FOXK1: variants seen among roughly 807,000 people sequenced by gnomAD.
The protein encoded by FOXK1 is forkhead box K1.
A neutral mutation model predicts 51.9 loss-of-function variants in FOXK1; 19 were observed. That is an observed-to-expected ratio of 0.37 (90% CI 0.26 to 0.54). The LOEUF is 0.54. Ranked by LOEUF, FOXK1 falls within the 20% of genes least tolerant of loss-of-function variation. FOXK1 has a pLI of 0.87. For synonymous variants in FOXK1, 537 were observed against 482.6 expected (o/e 1.11, Z -1.48); for missense variants, 870 against 1,032.7 (o/e 0.84, Z 2.16).
At chr7:4,685,101 G>C (rs1233095245) in intron 1 of FOXK1, among the ~76,000 whole-genome samples, 1 of 151,566 alleles carries the variant, frequency 6.6e-6, no homozygotes, top group African/African-American at 2.4e-5. Flanking sequence ...GACTTCACCT[G>C]CACATGTGAG....
Position 4,768,146 on chromosome 7 carries a change from T to C in FOXK1, c.*5682T>C. The C allele has an allele frequency of 7.7e-6, 1 of 129,896 alleles. No individual in the cohort carries two copies. The highest frequency in any genetic ancestry group is 2.0e-4 in the East Asian group (1 of 5,002). 8.0% of individuals were successfully genotyped at this position (129,896 alleles called of 1,614,324 possible). A position where few individuals can be genotyped will look rare whatever the true frequency, so the allele number is the denominator to read the frequency against. On this transcript the variant is annotated 3_prime_UTR_variant, in exon 9 of 9. Transcript: ENST00000328914. ...CTTTTTTTTTTTTTTTTTTTTTTTTTTTTTGAGACGGAGTCTCGCTCTGTC... is the reference window on the plus strand; with the variant it reads ...CTTTTTTTTTTTTTTTTTTTTTTTTCTTTTGAGACGGAGTCTCGCTCTGTC...
chr7:4,720,346 T>A (rs1407267167), intron 1 of FOXK1, among the ~76,000 whole-genome samples: 1 of 152,188 alleles, frequency 6.6e-6, no homozygotes, highest in Admixed American at 6.5e-5. Flanking sequence ...GCTTTTGTTA[T>A]GTATGGTCTA....
intron 7 of FOXK1, among the ~76,000 whole-genome samples, chr7:4,760,740 A>C (rs1041385514): frequency 6.6e-6 from 1 of 151,968 alleles, no homozygotes; most frequent in Non-Finnish European, 1.5e-5. Context: ...AGTCCCAGCT[A>C]CTCAGGAGGC....
intron 1 of FOXK1, among the ~76,000 whole-genome samples, chr7:4,714,351 T>C (rs1780209061): frequency 6.6e-6 from 1 of 152,096 alleles, no homozygotes; most frequent in Non-Finnish European, 1.5e-5. Flanking sequence ...CGATCTCAGC[T>C]CACTGCAGCC....
intron 1 of FOXK1, among the ~76,000 whole-genome samples, chr7:4,736,951 C>T (rs552498569): frequency 6.6e-6 from 1 of 152,220 alleles, no homozygotes; most frequent in Non-Finnish European, 1.5e-5. Context: ...CTTTCCACCC[C>T]ACTGGAGTTG....
rs369234280 is a variant in FOXK1 at position 4,759,102 on chromosome 7, C to A, written c.1296C>A (p.Gly432=). The A allele has an allele frequency of 5.0e-6, 8 of 1,611,168 alleles. No homozygotes were observed. The highest frequency in any genetic ancestry group is 6.8e-6 in the Non-Finnish European group (8 of 1,179,784). Residue 432 remains glycine (G), a synonymous_variant, in exon 6 of 9, where the codon GGC becomes GGA. Coordinates refer to ENST00000328914, the MANE Select transcript of FOXK1 (RefSeq NM_001037165.2). ...THPGLMSPRS[G]GLQTPECLSR... is the part of the protein sequence containing the mutation. ...CCGGGCTGATGTCCCCTCGCTCCGG[C>A]GGCCTGCAGACCCCAGAGTGCCTGT...
rs1364837081 is a variant in FOXK1 at position 4,769,529 on chromosome 7, C to G, written c.*7065C>G. On this transcript the variant is annotated 3_prime_UTR_variant, in exon 9 of 9. Coordinates refer to ENST00000328914, the MANE Select transcript of FOXK1 (RefSeq NM_001037165.2). The surrounding 1 kb of genome is among the most constrained non-coding windows in gnomAD (Gnocchi z 4.1). ...TCTCGGCTCACTGCAACCTCCGCCTCCCAGGTTCGAGCGAATTCTCCTGCC... is the reference window on the plus strand; with the variant it reads ...TCTCGGCTCACTGCAACCTCCGCCTGCCAGGTTCGAGCGAATTCTCCTGCC... 1 of 152,200 alleles carries G rather than the reference C, an allele frequency of 6.6e-6. No individual in the cohort carries two copies. The highest frequency in any genetic ancestry group is 2.4e-5 in the African/African-American group (1 of 41,414). The allele number at this position is 152,200 out of a possible 1,614,324, so 9.4% of individuals were successfully genotyped here.
At position 4,703,663 on chromosome 7, in the gene FOXK1, G is replaced by A. The variant is rs1406802250; in HGVS notation, c.560+20795G>A. Reference sequence around the variant, plus strand: ...TGAATATTAAAACCAAATGATCCCGGGTAGAGCTGCAGCTGGGGACTGGTG... The same window carrying A: ...TGAATATTAAAACCAAATGATCCCGAGTAGAGCTGCAGCTGGGGACTGGTG... On this transcript the variant is annotated intron_variant, in intron 1 of 8. Coordinates refer to ENST00000328914, the MANE Select transcript of FOXK1 (RefSeq NM_001037165.2). The surrounding 1 kb of genome is among the most constrained non-coding windows in gnomAD (Gnocchi z 5.6). Among the ~76,000 whole-genome samples the A allele has an allele frequency of 6.6e-6, 1 of 152,172 alleles. No homozygotes were observed. The highest frequency in any genetic ancestry group is 1.5e-5 in the Non-Finnish European group (1 of 68,034).
At position 4,731,033 on chromosome 7, in the gene FOXK1, T is replaced by C. The variant is rs1780469929; in HGVS notation, c.561-9805T>C. 6.6e-6 allele frequency among the ~76,000 whole-genome samples: 1 copy of C among 152,078 alleles called. No homozygotes were observed. Among genetic ancestry groups the C allele is most frequent in the Non-Finnish European group, 1.5e-5 (1 of 68,018 alleles). ...AATCAAAACCATTTGCTGAACAGTC[T>C]TATTTCTCGGAGGAGTTTAAGCAAA... On this transcript the variant is annotated intron_variant, in intron 1 of 8. Transcript: ENST00000328914. This position sits in a 1 kb window ranked among gnomAD's most constrained non-coding sequence, Gnocchi z 5.3.
Position 4,683,897 on chromosome 7 carries a change from G to A in FOXK1, c.560+1029G>A, listed in dbSNP as rs1002874679. On this transcript the variant is annotated intron_variant, in intron 1 of 8. Transcript: ENST00000328914. The surrounding 1 kb of genome is among the most constrained non-coding windows in gnomAD (Gnocchi z 4.5). ...TGGCGGGGAGGGGCGAGGACAGGAAGCCTGTGCCTCAGTTTACATCCCCAA... is the reference window on the plus strand; with the variant it reads ...TGGCGGGGAGGGGCGAGGACAGGAAACCTGTGCCTCAGTTTACATCCCCAA... Among the ~76,000 whole-genome samples the A allele has an allele frequency of 3.9e-5, 6 of 152,186 alleles. No individual in the cohort carries two copies. The highest frequency in any genetic ancestry group is 8.8e-5 in the Non-Finnish European group (6 of 68,030).
In FOXK1 at chr7:4,683,309, C is replaced by G. The variant is rs1438015833; in HGVS notation, c.560+441C>G. On this transcript the variant is annotated intron_variant, in intron 1 of 8. Transcript: ENST00000328914. The surrounding 1 kb of genome is among the most constrained non-coding windows in gnomAD (Gnocchi z 4.5). ...CCCAGATCCCTGCTGCTCCCCAGCT[C>G]CCATCGGCCTGGACTCCGGGGTCAT... Among the ~76,000 whole-genome samples the G allele has an allele frequency of 1.3e-5, 2 of 151,794 alleles. No individual in the cohort carries two copies. The highest frequency in any genetic ancestry group is 2.9e-5 in the Non-Finnish European group (2 of 67,928).
chr7:4,770,346 A>G lies in FOXK1; in HGVS notation c.*7882A>G, dbSNP rs753813137. 1 of 152,164 alleles carries G rather than the reference A, an allele frequency of 6.6e-6. No individual in the cohort carries two copies. Among genetic ancestry groups the G allele is most frequent in the Non-Finnish European group, 1.5e-5 (1 of 68,038 alleles). The allele number at this position is 152,164 out of a possible 1,614,324, so 9.4% of individuals were successfully genotyped here. A position where few individuals can be genotyped will look rare whatever the true frequency, so the allele number is the denominator to read the frequency against. On this transcript the variant is annotated 3_prime_UTR_variant, in exon 9 of 9. Coordinates refer to ENST00000328914, the MANE Select transcript of FOXK1 (RefSeq NM_001037165.2). ...GGAGTTTGAGACCAGCCTGACCAAC[A>G]TGGTGAAATCCTGTCTCTACTAAAA...
chr7:4,720,819 AG>A lies in FOXK1; in HGVS notation c.561-20018del, dbSNP rs1447061496. On this transcript the variant is annotated intron_variant, in intron 1 of 8. Transcript: ENST00000328914. ...CTGCAACCTCTACCTCCTGGGTTCA[AG>A]CGATTCTCCTGCCTCAGCCTCCTGA... Among the ~76,000 whole-genome samples, 9 of 151,550 alleles carry A rather than the reference AG, an allele frequency of 5.9e-5. No individual in the cohort carries two copies. The East Asian group carries it at 1.8e-3, about 30-fold the overall frequency.
chr7:4,759,625 A>G lies in FOXK1; in HGVS notation c.1696+30A>G, dbSNP rs1267894869. On this transcript the variant is annotated intron_variant, in intron 7 of 8. Coordinates refer to ENST00000328914, the MANE Select transcript of FOXK1 (RefSeq NM_001037165.2). ...TGCAGCCGCGGCTGGCAGCCTTCGCAGGACCCTTTGTGGTGGTCCCGGCCG... is the reference window on the plus strand; with the variant it reads ...TGCAGCCGCGGCTGGCAGCCTTCGCGGGACCCTTTGTGGTGGTCCCGGCCG... The G allele has an allele frequency of 3.3e-6, 5 of 1,521,584 alleles. No individual in the cohort carries two copies. In the African/African-American group the frequency reaches 4.1e-5, roughly 13 times the overall value. 94.3% of individuals were successfully genotyped at this position (1,521,584 alleles called of 1,614,324 possible).
intron 1 of FOXK1, 116 bp from the exon 2 acceptor site, chr7:4,740,722 C>T (rs1780622254): frequency 1.9e-6 from 2 of 1,052,618 alleles, no homozygotes; most frequent in Non-Finnish European, 2.8e-6. Context: ...CTCTGGGGCC[C>T]AGGTTTGAGA....
chr7:4,692,598 G>A (rs1200551975), intron 1 of FOXK1, among the ~76,000 whole-genome samples: 1 of 152,072 alleles, frequency 6.6e-6, no homozygotes, highest in Non-Finnish European at 1.5e-5. Context: ...GTTTCATCAT[G>A]TAAGCCAGCT....
At position 4,723,611 on chromosome 7, in the gene FOXK1, G is replaced by A. The variant is rs111384278; in HGVS notation, c.561-17227G>A. On this transcript the variant is annotated intron_variant, in intron 1 of 8. Transcript: ENST00000328914. This position sits in a 1 kb window ranked among gnomAD's most constrained non-coding sequence, Gnocchi z 4.7. Reference sequence around the variant, plus strand: ...GGTACAATCGCCACGGCACAGGACCGAGCGTGGAGAGTTGCAGCAGTGCAG... The same window carrying A: ...GGTACAATCGCCACGGCACAGGACCAAGCGTGGAGAGTTGCAGCAGTGCAG... 1.6e-3 allele frequency among the ~76,000 whole-genome samples: 251 copies of A among 152,246 alleles called. No homozygotes were observed. Among genetic ancestry groups the A allele is most frequent in the African/African-American group, 5.8e-3 (240 of 41,526 alleles).
At chr7:4,696,645 C>T (rs953283552) in intron 1 of FOXK1, among the ~76,000 whole-genome samples, 1 of 152,184 alleles carries the variant, frequency 6.6e-6, no homozygotes, top group African/African-American at 2.4e-5. Flanking sequence ...CTCAGTGCCT[C>T]GCCCAGTGCC....
Position 4,729,983 on chromosome 7 carries a change from C to G in FOXK1, c.561-10855C>G, listed in dbSNP as rs1225151531. ...CCAGCCTGGGCGACAGAGCGAGACT[C>G]TGTCGAAACAATTTAAATAAAAAAA... On this transcript the variant is annotated intron_variant, in intron 1 of 8. Coordinates refer to ENST00000328914, the MANE Select transcript of FOXK1 (RefSeq NM_001037165.2). This position sits in a 1 kb window ranked among gnomAD's most constrained non-coding sequence, Gnocchi z 6.2. 1.3e-5 allele frequency among the ~76,000 whole-genome samples: 2 copies of G among 151,138 alleles called. No individual in the cohort carries two copies. The highest frequency in any genetic ancestry group is 4.1e-4 in the South Asian group (2 of 4,824).
Sources: allele counts gnomAD v4.1 joint callset (sites outside exome capture counted in the v4.1 genomes callset), GRCh38; gene constraint gnomAD v4.1.1; non-coding constraint Gnocchi (gnomAD v3.1); transcripts MANE v1.5; gene names NCBI Gene and HGNC (gene_info 2026-07-23, HGNC 2026-07-21).